NEBL: variants seen among roughly 807,000 people sequenced by gnomAD.
The protein encoded by NEBL is LIM and SH3 protein 2.
A neutral mutation model predicts 140.2 loss-of-function variants in NEBL; 122 were observed. That is an observed-to-expected ratio of 0.87 (90% CI 0.75 to 1.01). NEBL has a LOEUF of 1.01. Among genes scored for constraint, NEBL ranks in the 50% least tolerant of loss-of-function variants. NEBL has a pLI of 0.00. For synonymous variants in NEBL, 436 were observed against 398.9 expected (o/e 1.09, Z -1.11); for missense variants, 1,365 against 1,231.3 (o/e 1.11, Z -1.62).
At chr10:21,075,380 C>T (rs765599361) in intron 2 of NEBL, among the ~76,000 whole-genome samples, 8 of 152,088 alleles carry the variant, frequency 5.3e-5, no homozygotes, top group Non-Finnish European at 7.4e-5. Context: ...AAATGAAGAG[C>T]TTATTTTTCC....
At chr10:21,051,673 T>C (rs959654987) in intron 2 of NEBL, among the ~76,000 whole-genome samples, 1 of 150,930 alleles carries the variant, frequency 6.6e-6, no homozygotes, top group Admixed American at 6.5e-5. Flanking sequence ...ATAATCACTT[T>C]AAGTATAAAT....
chr10:20,875,304 A>G (rs1201867926), intron 5 of NEBL, among the ~76,000 whole-genome samples: 2 of 152,104 alleles, frequency 1.3e-5, no homozygotes, highest in Non-Finnish European at 2.9e-5. Flanking sequence ...TTTCTGCATC[A>G]ATTCATTAAA....
intron 2 of NEBL, among the ~76,000 whole-genome samples, chr10:21,250,380 A>G (rs1314255792): frequency 1.3e-5 from 2 of 152,184 alleles, no homozygotes; most frequent in African/African-American, 4.8e-5. Context: ...ATCAGACTCC[A>G]AGGTCTTCAG....
chr10:20,981,730 G>A (rs1564470039), intron 3 of NEBL, among the ~76,000 whole-genome samples: 1 of 152,196 alleles, frequency 6.6e-6, no homozygotes, highest in Non-Finnish European at 1.5e-5. Flanking sequence ...TGGACTGACA[G>A]CTACAAGGAT....
chr10:21,087,928 G>A (rs1424253863), intron 2 of NEBL, among the ~76,000 whole-genome samples: 2 of 152,158 alleles, frequency 1.3e-5, no homozygotes, highest in African/African-American at 4.8e-5. Flanking sequence ...ATCGATTTCT[G>A]CCCTGAATCT....
At chr10:20,899,336 T>C, upstream of NEBL, 1 of 1,153,036 alleles carries the variant, frequency 8.7e-7, no homozygotes, top group Non-Finnish European at 1.2e-6. Flanking sequence ...GAGACAGTAC[T>C]GGTGTTACTC....
chr10:20,864,301 T>G (rs915398884), intron 7 of NEBL, among the ~76,000 whole-genome samples: 4 of 152,184 alleles, frequency 2.6e-5, no homozygotes, highest in African/African-American at 9.6e-5. Context: ...CATCTTCGCA[T>G]AGGAGATTTT....
At chr10:21,238,667 A>G (rs1842393459) in intron 3 of NEBL, among the ~76,000 whole-genome samples, 1 of 147,732 alleles carries the variant, frequency 6.8e-6, no homozygotes, top group Non-Finnish European at 1.5e-5. Context: ...CCCTCGCGCC[A>G]TTACACTCCG....
chr10:21,005,674 C>G (rs1014957416), intron 3 of NEBL, among the ~76,000 whole-genome samples: 8 of 152,248 alleles, frequency 5.3e-5, no homozygotes, highest in Non-Finnish European at 7.4e-5. Flanking sequence ...GTCAAGGCTG[C>G]AGTGAGCTGT....
rs1837682994 is a variant in NEBL, at chr10:20,996,716, A to G, written c.249+23401T>C. 2.0e-5 allele frequency among the ~76,000 whole-genome samples: 3 copies of G among 152,356 alleles called. No homozygotes were observed. In the East Asian group the frequency reaches 5.8e-4, roughly 29 times the overall value. On this transcript the variant is annotated intron_variant, in intron 3 of 6. Coordinates refer to the NEBL transcript ENST00000417816. ...ATTAAACTGCAAAAGTTACCTTCTT[A>G]AAAGTATCATATGGACTGCCTAAAA...
intron 3 of NEBL, among the ~76,000 whole-genome samples, chr10:21,008,653 A>G (rs965954110): frequency 6.6e-6 from 1 of 152,148 alleles, no homozygotes; most frequent in African/African-American, 2.4e-5. Flanking sequence ...AAAATAATAG[A>G]TGTTGGCGTG....
chr10:20,834,545 T>C (rs372353616), intron 14 of NEBL, among the ~76,000 whole-genome samples: 39 of 152,340 alleles, frequency 2.6e-4, no homozygotes, highest in African/African-American at 9.1e-4. Context: ...GTAACTTCCC[T>C]AGCAGCTAAG....
At chr10:21,182,701 G>A (rs1335585575) in intron 3 of NEBL, among the ~76,000 whole-genome samples, 3 of 152,024 alleles carry the variant, frequency 2.0e-5, no homozygotes, top group Admixed American at 6.5e-5. Context: ...AATGAGAGCC[G>A]CAAATGTGAG....
chr10:21,133,621 C>T (rs1206253509), intron 2 of NEBL, among the ~76,000 whole-genome samples: 1 of 152,194 alleles, frequency 6.6e-6, no homozygotes, highest in African/African-American at 2.4e-5. Flanking sequence ...AGGCAAAGCA[C>T]TCAGAACAGC....
intron 3 of NEBL, among the ~76,000 whole-genome samples, chr10:21,185,462 T>C (rs1453903707): frequency 1.3e-5 from 2 of 151,022 alleles, no homozygotes; most frequent in Non-Finnish European, 2.9e-5. Context: ...GAATTTCGAC[T>C]TCTCTTTCGG....
intron 5 of NEBL, among the ~76,000 whole-genome samples, chr10:20,876,251 C>T (rs1193221153): frequency 1.3e-5 from 2 of 152,106 alleles, no homozygotes; most frequent in East Asian, 1.9e-4. Flanking sequence ...TTTAGGATTG[C>T]TGTCACTGTT....
intron 2 of NEBL, among the ~76,000 whole-genome samples, chr10:21,094,930 G>T (rs1231003078): frequency 2.0e-5 from 3 of 152,192 alleles, no homozygotes; most frequent in African/African-American, 2.4e-5. Flanking sequence ...TGGGCCAACA[G>T]ACAGAACACA....
intron 4 of NEBL, among the ~76,000 whole-genome samples, chr10:20,933,521 G>A (rs1422713118): frequency 6.6e-6 from 1 of 152,082 alleles, no homozygotes; most frequent in African/African-American, 2.4e-5. Context: ...ATAACCTGAG[G>A]CCAGGAGTTC....
At chr10:20,865,139 G>T (rs1047453496) in intron 7 of NEBL, among the ~76,000 whole-genome samples, 1 of 152,120 alleles carries the variant, frequency 6.6e-6, no homozygotes, top group African/African-American at 2.4e-5. Context: ...GGATTGTGAT[G>T]GAATGAATTT....
Sources: gnomAD v4.1 joint callset for allele counts (sites outside exome capture counted in the v4.1 genomes callset) on GRCh38, gnomAD v4.1.1 for gene constraint, MANE v1.5 for transcripts, NCBI Gene and HGNC (gene_info 2026-07-23, HGNC 2026-07-21) for gene names.